Variants in GRAMD1B observed in about 807,000 individuals in gnomAD.
GRAMD1B encodes the protein GRAM domain containing 1B, also known as protein Aster-B.
GRAMD1B carries 37 observed loss-of-function variants against 99.7 expected under a neutral mutation model. That is an observed-to-expected ratio of 0.37 (90% CI 0.29 to 0.49). GRAMD1B has a LOEUF of 0.49. GRAMD1B is among the 20% of genes least tolerant of loss of function. The pLI is 0.98. For missense variants in GRAMD1B, 888 were observed against 1,009.2 expected (o/e 0.88, Z 1.63); for synonymous variants, 427 against 387.6 (o/e 1.10, Z -1.19).
At chr11:123,452,923 T>A (rs1426462836) in intron 1 of GRAMD1B, among the ~76,000 whole-genome samples, 1 of 152,226 alleles carries the variant, frequency 6.6e-6, no homozygotes, top group Non-Finnish European at 1.5e-5. Context: ...AAGTTCGGTC[T>A]TGTGTTTCAC....
chr11:123,376,526 A>C (rs1946695606), intron 1 of GRAMD1B, among the ~76,000 whole-genome samples: 1 of 152,178 alleles, frequency 6.6e-6, no homozygotes, highest in Admixed American at 6.5e-5. Context: ...TTGAATTCTG[A>C]TACAGACAAT....
chr11:123,502,774 C>CAAAAAAAAAAAAAAAAA (rs34321315), intron 2 of GRAMD1B, among the ~76,000 whole-genome samples: 1 of 98,526 alleles, frequency 1.0e-5, no homozygotes, highest in African/African-American at 3.9e-5. Flanking sequence ...GACTCCATCT[C>CAAAAAAAAAAAAAAAAA]AAAAAAAAAA....
chr11:123,436,928 G>A (rs545168816), intron 1 of GRAMD1B, among the ~76,000 whole-genome samples: 27 of 152,122 alleles, frequency 1.8e-4, no homozygotes, highest in South Asian at 2.1e-4. Context: ...AACAGGCCCT[G>A]GTGTGTGATG....
At chr11:123,614,680 T>C in intron 16 of GRAMD1B, 65 bp from the exon 17 acceptor site, 5 of 897,170 alleles carry the variant, frequency 5.6e-6, no homozygotes, top group Non-Finnish European at 9.2e-6. Context: ...TTGACCAGTG[T>C]CCCCACCAGC....
At chr11:123,603,595 A>G (rs1952281257) in intron 9 of GRAMD1B, 54 bp downstream of exon 9, 2 of 987,052 alleles carry the variant, frequency 2.0e-6, no homozygotes, top group Non-Finnish European at 3.3e-6. Flanking sequence ...TGCCTGCAGG[A>G]AGAACCTGCC....
chr11:123,561,315 G>C (rs929555891), intron 2 of GRAMD1B, among the ~76,000 whole-genome samples: 2 of 152,150 alleles, frequency 1.3e-5, no homozygotes, highest in African/African-American at 4.8e-5. Context: ...CCAGAGCTGT[G>C]GTCAGGAAGA....
chr11:123,538,254 G>A (rs893620206), intron 2 of GRAMD1B, among the ~76,000 whole-genome samples: 1 of 151,998 alleles, frequency 6.6e-6, no homozygotes, highest in African/African-American at 2.4e-5. Flanking sequence ...CTCTCCATGT[G>A]GTTCTGTCTT....
chr11:123,595,212 A>G (rs1037043313), intron 6 of GRAMD1B, among the ~76,000 whole-genome samples: 1 of 151,764 alleles, frequency 6.6e-6, no homozygotes, highest in Non-Finnish European at 1.5e-5. Context: ...CAGCGGTGTG[A>G]TTTTAGGCTA....
chr11:123,608,934 A>G (rs1169639180), intron 12 of GRAMD1B, 132 bp downstream of exon 12: 1 of 673,064 alleles, frequency 1.5e-6, no homozygotes, highest in African/African-American at 1.8e-5. Context: ...CTCAGGGCCC[A>G]GACACCCTCT....
chr11:123,454,195 A>G (rs1950011369), intron 1 of GRAMD1B, among the ~76,000 whole-genome samples: 1 of 152,192 alleles, frequency 6.6e-6, no homozygotes, highest in Admixed American at 6.5e-5. Flanking sequence ...TACCTTGAAG[A>G]CTGGTTTGCA....
intron 1 of GRAMD1B, chr11:123,432,187 TGAG>T: frequency 2.5e-6 from 1 of 396,200 alleles, no homozygotes. Context: ...GTGGTGATGT[TGAG>T]GAGGGTGTGG....
intron 1 of GRAMD1B, among the ~76,000 whole-genome samples, chr11:123,364,482 C>T (rs1157603350): frequency 3.3e-5 from 5 of 152,244 alleles, no homozygotes; most frequent in Admixed American, 3.3e-4. Flanking sequence ...TATCCTTTTC[C>T]TCCTCTAATT....
Position 123,526,084 on chromosome 11 carries a change from T to C in GRAMD1B, c.452+45191T>C, listed in dbSNP as rs1423284736. ...CTTCGTCATCTTTTCCAATATGTCC[T>C]GGGACCTCCGGAGCTGTAACGGGGA... On this transcript the variant is annotated intron_variant, in intron 2 of 19. Transcript: ENST00000635736. The C allele has an allele frequency of 4.3e-6, 6 of 1,409,086 alleles. No individual in the cohort carries two copies. In the Admixed American group the frequency reaches 5.1e-5, roughly 12 times the overall value. The allele number at this position is 1,409,086 out of a possible 1,614,324, so 87.3% of individuals were successfully genotyped here.
chr11:123,467,394 CTTTTT>C (rs11447711), intron 1 of GRAMD1B, among the ~76,000 whole-genome samples: 2 of 103,342 alleles, frequency 1.9e-5, no homozygotes, highest in East Asian at 3.2e-4. Context: ...TTTTCAACAC[CTTTTT>C]TTTTTTTTTT....
Position 123,618,760 on chromosome 11 carries a change from C to A in GRAMD1B, c.2386C>A (p.Gln796Lys). 6.3e-7 allele frequency: 1 copy of A among 1,582,264 alleles called. No homozygotes were observed. The highest frequency in any genetic ancestry group is 1.8e-5 in the Admixed American group (1 of 55,824). The change falls in exon 18 of 20, where the codon CAG (glutamine) becomes AAG (lysine). Residue 796 changes from glutamine (Q) to lysine (K), a missense_variant. Physicochemically the swap from Gln to Lys is moderately conservative, Grantham distance 53. This residue lies in a region of GRAMD1B where 232 missense variants were observed against 261.7 expected (regional missense o/e 0.89). Transcript: ENST00000635736. ...ACTCTGGATGTTGGAATACACCACG[C>A]AGACCCTCACTGCCTGGCAGGGTCT... ...YKLWMLEYTT[Q>K]TLTAWQGLRL...
At chr11:123,402,480 G>A (rs549841995) in intron 1 of GRAMD1B, among the ~76,000 whole-genome samples, 5 of 152,278 alleles carry the variant, frequency 3.3e-5, no homozygotes, top group South Asian at 2.1e-4. Flanking sequence ...TAAAAACTCC[G>A]AGGGGCTGTT....
At chr11:123,475,977 A>G (rs1951246342) in intron 1 of GRAMD1B, among the ~76,000 whole-genome samples, 1 of 125,610 alleles carries the variant, frequency 8.0e-6, no homozygotes. Flanking sequence ...AAAGGCTCAT[A>G]TAAGAGAAGA....
intron 2 of GRAMD1B, among the ~76,000 whole-genome samples, chr11:123,544,400 TCCTAACTCTTTCTA>T (rs1455548880): frequency 1.3e-5 from 2 of 152,162 alleles, no homozygotes; most frequent in African/African-American, 4.8e-5. Flanking sequence ...CACCTTTCCT[TCCTAACTCTTTCTA>T]CTCTCTACTC....
intron 2 of GRAMD1B, among the ~76,000 whole-genome samples, chr11:123,551,652 A>G (rs1280237376): frequency 6.6e-6 from 1 of 152,232 alleles, no homozygotes; most frequent in African/African-American, 2.4e-5. Flanking sequence ...GATTGTGGGC[A>G]AATGAAATTA....
Sources: gnomAD v4.1 joint callset for allele counts (sites outside exome capture counted in the v4.1 genomes callset) on GRCh38, gnomAD v4.1.1 for gene constraint, gnomAD v4.1.1 regional missense constraint, MANE v1.5 for transcripts, NCBI Gene and HGNC (gene_info 2026-07-23, HGNC 2026-07-21) for gene names.